NEK1: variants seen among roughly 807,000 people sequenced by gnomAD.
NEK1 encodes serine/threonine-protein kinase Nek1.
In NEK1, 137 loss-of-function variants were observed where a neutral mutation model predicts 182.1. That is an observed-to-expected ratio of 0.75 (90% CI 0.65 to 0.87). The LOEUF (loss-of-function observed/expected upper bound fraction) is 0.87, where lower values mean the gene tolerates loss of function less well. Among genes scored for constraint, NEK1 ranks in the 40% least tolerant of loss-of-function variants. NEK1 has a pLI of 0.00. For missense variants in NEK1, 1,391 were observed against 1,494.4 expected, an observed-to-expected ratio of 0.93 and a Z score of 1.14; for synonymous variants, 513 against 492.2, an observed-to-expected ratio of 1.04 and a Z score of -0.56.
At chr4:169,435,406 A>T (rs1378169055) in intron 28 of NEK1, among the ~76,000 whole-genome samples, 1 of 152,116 alleles carries the variant, frequency 6.6e-6, no homozygotes, top group Non-Finnish European at 1.5e-5. Flanking sequence ...AGGGGAACAA[A>T]CTTTCGTTCC....
intron 28 of NEK1, among the ~76,000 whole-genome samples, chr4:169,437,563 T>C (rs1176814908): frequency 1.3e-5 from 2 of 152,192 alleles, no homozygotes; most frequent in African/African-American, 4.8e-5. Flanking sequence ...ACTGTGCTAG[T>C]TCTGAGATCA....
At chr4:169,564,963 A>C (rs1045461818) in intron 12 of NEK1, among the ~76,000 whole-genome samples, 2 of 152,186 alleles carry the variant, frequency 1.3e-5, no homozygotes, top group African/African-American at 4.8e-5. Context: ...TCTTATGACT[A>C]ACTAAAGAAT....
At chr4:169,443,051 T>TTATTTATC (rs1554033539) in intron 27 of NEK1, among the ~76,000 whole-genome samples, 1 of 141,686 alleles carries the variant, frequency 7.1e-6, no homozygotes, top group Non-Finnish European at 1.5e-5. Context: ...TAAAAATATT[T>TTATTTATC]TATCTATCTA....
chr4:169,530,822 A>ATGG (rs1434785349), intron 19 of NEK1, among the ~76,000 whole-genome samples: 1 of 151,168 alleles, frequency 6.6e-6, no homozygotes, highest in Non-Finnish European at 1.5e-5. Context: ...TACATGTGTT[A>ATGG]AAATTCCTGG....
At chr4:169,500,136 G>A (rs1465270256) in intron 23 of NEK1, among the ~76,000 whole-genome samples, 1 of 152,226 alleles carries the variant, frequency 6.6e-6, no homozygotes, top group Non-Finnish European at 1.5e-5. Flanking sequence ...CCGCCTTGCA[G>A]TTTGATCTCA....
chr4:169,406,855 A>G, intron 31 of NEK1, 108 bp from the exon 32 acceptor site: 1 of 781,614 alleles, frequency 1.3e-6, no homozygotes, highest in Non-Finnish European at 1.9e-6. Context: ...GTAAAATGTA[A>G]CATATAAAAA....
At chr4:169,469,166 G>A (rs1745476047) in intron 26 of NEK1, among the ~76,000 whole-genome samples, 1 of 151,802 alleles carries the variant, frequency 6.6e-6, no homozygotes, top group Non-Finnish European at 1.5e-5. Flanking sequence ...GCTAGCTTTT[G>A]AATTTGTTTG....
At chr4:169,610,198 C>G (rs575191001) in intron 2 of NEK1, among the ~76,000 whole-genome samples, 1 of 152,018 alleles carries the variant, frequency 6.6e-6, no homozygotes, top group Non-Finnish European at 1.5e-5. Flanking sequence ...GACGGGGTTT[C>G]GCCATACTGG....
intron 28 of NEK1, among the ~76,000 whole-genome samples, chr4:169,436,470 G>A (rs891301165): frequency 6.6e-6 from 1 of 152,136 alleles, no homozygotes; most frequent in African/African-American, 2.4e-5. Flanking sequence ...GCAATAATGT[G>A]GAAGATAGTA....
chr4:169,449,363 C>T lies in NEK1; in HGVS notation c.2588-11104G>A, dbSNP rs1300613566. ...AGATAGACTGCCTCCTCAACTGGGT[C>T]CCTGACCCCCACGCAGCCTAACTGG... On this transcript the variant is annotated intron_variant, in intron 27 of 35. Transcript: ENST00000507142. Among the ~76,000 whole-genome samples the T allele has an allele frequency of 2.6e-5, 4 of 152,210 alleles. No individual in the cohort carries two copies. In the East Asian group the frequency reaches 7.7e-4, roughly 29 times the overall value.
At position 169,406,677 on chromosome 4, in the gene NEK1, C is replaced by T. The variant is rs750570891; in HGVS notation, c.3293G>A (p.Gly1098Glu). 4 of 1,609,918 alleles carry T rather than the reference C, an allele frequency of 2.5e-6. No homozygotes were observed. The highest frequency in any genetic ancestry group is 3.4e-6 in the Non-Finnish European group (4 of 1,177,700). The change falls in exon 32 of 36, where the codon GGA becomes GAA. Residue 1098 changes from glycine (G) to glutamate (E), a missense_variant. Coordinates refer to ENST00000507142, the MANE Select transcript of NEK1 (RefSeq NM_001199397.3). ...TTCAAGATTGTCTTGACGAACATCTCCTACGGTGGGAACATCCATAAGGGT... is the reference window on the plus strand; with the variant it reads ...TTCAAGATTGTCTTGACGAACATCTTCTACGGTGGGAACATCCATAAGGGT... The part of the protein sequence containing the change: ...FRTLMDVPTV[G>E]DVRQDNLEID...
chr4:169,467,591 G>A (rs1745163188), intron 26 of NEK1, among the ~76,000 whole-genome samples: 1 of 152,014 alleles, frequency 6.6e-6, no homozygotes, highest in East Asian at 1.9e-4. Flanking sequence ...ATAGAAAAAT[G>A]GTACACAGAC....
At chr4:169,492,538 C>T (rs763139102) in intron 23 of NEK1, among the ~76,000 whole-genome samples, 7 of 152,134 alleles carry the variant, frequency 4.6e-5, no homozygotes, top group East Asian at 1.9e-4. Flanking sequence ...GCAACACTAT[C>T]GGTGGCGATT....
At chr4:169,454,990 C>A (rs187731637) in intron 27 of NEK1, among the ~76,000 whole-genome samples, 1 of 152,104 alleles carries the variant, frequency 6.6e-6, no homozygotes, top group African/African-American at 2.4e-5. Flanking sequence ...TGGAATACTA[C>A]GCAGCCATAA....
chr4:169,585,637 C>G (rs1420055363), intron 9 of NEK1, 88 bp from the exon 10 acceptor site: 1 of 823,392 alleles, frequency 1.2e-6, no homozygotes, highest in Non-Finnish European at 1.9e-6. Flanking sequence ...CTTTTCCTAC[C>G]AATATAGAAT....
intron 20 of NEK1, among the ~76,000 whole-genome samples, chr4:169,508,535 T>C (rs777199258): frequency 8.3e-4 from 126 of 152,190 alleles, no homozygotes; most frequent in Admixed American, 1.7e-3. Flanking sequence ...AGAAATACAT[T>C]ATAAAATTAC....
intron 18 of NEK1, among the ~76,000 whole-genome samples, chr4:169,551,798 A>C (rs1159269720): frequency 6.7e-6 from 1 of 148,842 alleles, no homozygotes; most frequent in Non-Finnish European, 1.5e-5. Flanking sequence ...GTAAAACAAG[A>C]AAAAAAAAAG....
chr4:169,453,379 A>G (rs1742212574), intron 27 of NEK1, among the ~76,000 whole-genome samples: 1 of 152,190 alleles, frequency 6.6e-6, no homozygotes, highest in South Asian at 2.1e-4. Context: ...AAAAGAACAA[A>G]CCTGGAGGCA....
intron 23 of NEK1, among the ~76,000 whole-genome samples, chr4:169,492,397 G>A (rs1193512309): frequency 6.6e-6 from 1 of 152,198 alleles, no homozygotes; most frequent in African/African-American, 2.4e-5. Flanking sequence ...AAGTCTGGTT[G>A]ATAGCGACCG....
Sources: gnomAD v4.1 joint callset for allele counts (sites outside exome capture counted in the v4.1 genomes callset) on GRCh38, gnomAD v4.1.1 for gene constraint, MANE v1.5 for transcripts, NCBI Gene and HGNC (gene_info 2026-07-23, HGNC 2026-07-21) for gene names.